The following KLHL29 variants were observed in gnomAD, a reference collection of about 807,000 sequenced individuals.
KLHL29 encodes kelch like family member 29.
A neutral mutation model predicts 80.4 loss-of-function variants in KLHL29; 21 were observed. That is an observed-to-expected ratio of 0.26 (90% CI 0.19 to 0.38). KLHL29 has a LOEUF of 0.38. KLHL29 is among the 10% of genes least tolerant of loss of function. The pLI, the probability that KLHL29 is intolerant of heterozygous loss-of-function variation, is 1.00. For missense variants in KLHL29, 867 were observed against 1,223.9 expected, an observed-to-expected ratio of 0.71 and a Z score of 4.35; for synonymous variants, 511 against 526.8, an observed-to-expected ratio of 0.97 and a Z score of 0.41.
At chr2:23,531,835 G>C (rs1275222248) in intron 2 of KLHL29, among the ~76,000 whole-genome samples, 1 of 152,208 alleles carries the variant, frequency 6.6e-6, no homozygotes, top group Non-Finnish European at 1.5e-5. Context: ...GCTCCCATCT[G>C]TTCCTCATCA....
rs1452521801 is a variant in KLHL29 at position 23,385,224 on chromosome 2, G to T, written c.-710G>T. On this transcript the variant is annotated 5_prime_UTR_variant, in exon 1 of 14. Coordinates refer to ENST00000486442, the MANE Select transcript of KLHL29 (RefSeq NM_052920.2). Reference sequence around the variant, plus strand: ...CGAGCCAGAAGGGAGCATGGTCCCCGCGCCGCGGCCGCGCCAGCCCCCGCG... The same window carrying T: ...CGAGCCAGAAGGGAGCATGGTCCCCTCGCCGCGGCCGCGCCAGCCCCCGCG... 1 of 148,884 alleles carries T rather than the reference G, an allele frequency of 6.7e-6. No homozygotes were observed. Among genetic ancestry groups the T allele is most frequent in the African/African-American group, 2.4e-5 (1 of 40,888 alleles). 9.2% of individuals were successfully genotyped at this position (148,884 alleles called of 1,614,324 possible). A position where few individuals can be genotyped will look rare whatever the true frequency, so the allele number is the denominator to read the frequency against.
intron 2 of KLHL29, among the ~76,000 whole-genome samples, chr2:23,555,069 G>A (rs551228777): frequency 2.2e-4 from 34 of 152,234 alleles, no homozygotes; most frequent in Non-Finnish European, 4.7e-4. Context: ...GCAGGCCCTG[G>A]GGCTAGTGAC....
At chr2:23,628,716 A>G (rs1669387486) in intron 3 of KLHL29, among the ~76,000 whole-genome samples, 1 of 151,272 alleles carries the variant, frequency 6.6e-6, no homozygotes, top group Admixed American at 6.6e-5. Flanking sequence ...CCCATCCACA[A>G]ATGGTTCAGT....
intron 2 of KLHL29, among the ~76,000 whole-genome samples, chr2:23,479,283 G>A (rs546745944): frequency 3.3e-5 from 5 of 151,706 alleles, no homozygotes; most frequent in South Asian, 2.1e-4. Flanking sequence ...AACCTCAGCC[G>A]AACCCTCAGC....
chr2:23,559,438 G>A (rs1288100378), intron 2 of KLHL29, among the ~76,000 whole-genome samples: 1 of 152,084 alleles, frequency 6.6e-6, no homozygotes, highest in Non-Finnish European at 1.5e-5. Flanking sequence ...CTGGGGGCGG[G>A]CAGGCAGGCA....
In KLHL29 at chr2:23,385,262, T is replaced by TC. The variant is rs1666142090; in HGVS notation, c.-668dup. ...GCCAGCCCCCGCGCCGCCGCCGCCG[T>TC]CCCCGCCACCGCGGATCTCGCCGCA... On this transcript the variant is annotated 5_prime_UTR_variant, in exon 1 of 14. The change abolishes the stop of an existing upstream ORF in the 5' untranslated region. Transcript: ENST00000486442. The TC allele has an allele frequency of 7.3e-6, 1 of 136,972 alleles. No individual in the cohort carries two copies. Among genetic ancestry groups the TC allele is most frequent in the Non-Finnish European group, 1.6e-5 (1 of 62,686 alleles). The allele number at this position is 136,972 out of a possible 1,614,324, so 8.5% of individuals were successfully genotyped here.
At chr2:23,529,850 G>A (rs1666439204) in intron 2 of KLHL29, among the ~76,000 whole-genome samples, 1 of 152,204 alleles carries the variant, frequency 6.6e-6, no homozygotes. Context: ...TCTGGTCGCA[G>A]CATGACAAAG....
At chr2:23,442,091 G>A (rs989962053) in intron 1 of KLHL29, among the ~76,000 whole-genome samples, 1 of 151,980 alleles carries the variant, frequency 6.6e-6, no homozygotes, top group Non-Finnish European at 1.5e-5. Context: ...TAATCACCAG[G>A]GTCCTTTATT....
intron 3 of KLHL29, among the ~76,000 whole-genome samples, chr2:23,590,732 C>T (rs1446718533): frequency 6.6e-6 from 1 of 152,188 alleles, no homozygotes; most frequent in African/African-American, 2.4e-5. Flanking sequence ...AACCCAATCC[C>T]CTACATGGCC....
chr2:23,480,349 T>C (rs1350457157), intron 2 of KLHL29, among the ~76,000 whole-genome samples: 3 of 152,142 alleles, frequency 2.0e-5, no homozygotes, highest in African/African-American at 7.2e-5. Context: ...TAGCCGGGCA[T>C]GGTGACACAC....
intron 3 of KLHL29, among the ~76,000 whole-genome samples, chr2:23,601,912 C>T (rs1668581114): frequency 6.6e-6 from 1 of 152,196 alleles, no homozygotes; most frequent in Admixed American, 6.5e-5. Flanking sequence ...TAGTGGAGGG[C>T]TCAGTTAATA....
rs1361696597 is a variant in KLHL29, at chr2:23,700,860, G to A, written c.2106-2326G>A. On this transcript the variant is annotated intron_variant, in intron 11 of 13. Transcript: ENST00000486442. This position sits in a 1 kb window ranked among gnomAD's most constrained non-coding sequence, Gnocchi z 4.6. ...GGGGCACAGCCACTCACTCGCTGTT[G>A]GGACCTTGGCTGCCCTCTGAGGACG... 6.6e-6 allele frequency among the ~76,000 whole-genome samples: 1 copy of A among 152,038 alleles called. No individual in the cohort carries two copies. Among genetic ancestry groups the A allele is most frequent in the East Asian group, 1.9e-4 (1 of 5,178 alleles).
intron 2 of KLHL29, among the ~76,000 whole-genome samples, chr2:23,502,584 C>T (rs1665484760): frequency 6.6e-6 from 1 of 152,268 alleles, no homozygotes; most frequent in African/African-American, 2.4e-5. Flanking sequence ...TGAAATAAAA[C>T]TCCTGCAAAT....
intron 3 of KLHL29, chr2:23,617,904 A>C (rs473796): frequency 0.86 from 130,319 of 152,232 alleles, 56,330 homozygotes; most frequent in East Asian, 1. Flanking sequence ...GCGAGAGGGA[A>C]CCGAGGGTGT....
chr2:23,554,155 C>A (rs572510283), intron 2 of KLHL29, among the ~76,000 whole-genome samples: 1 of 152,214 alleles, frequency 6.6e-6, no homozygotes, highest in African/African-American at 2.4e-5. Context: ...CACGTCAAGT[C>A]GTGGCCAAGC....
chr2:23,490,847 A>G (rs961873260), intron 2 of KLHL29, among the ~76,000 whole-genome samples: 6 of 152,208 alleles, frequency 3.9e-5, no homozygotes, highest in Non-Finnish European at 7.4e-5. Context: ...TGGAGGGTGT[A>G]ACGGGCAGCC....
chr2:23,532,318 C>T (rs549818990), intron 2 of KLHL29, among the ~76,000 whole-genome samples: 32 of 152,350 alleles, frequency 2.1e-4, no homozygotes, highest in African/African-American at 7.2e-4. Context: ...GTAATGGCCT[C>T]CTCCTGCAGT....
chr2:23,465,067 C>G (rs1664309480), intron 1 of KLHL29, among the ~76,000 whole-genome samples: 1 of 152,202 alleles, frequency 6.6e-6, no homozygotes, highest in Admixed American at 6.5e-5. Context: ...ATGGTTGCTG[C>G]ACGGCCGACA....
chr2:23,688,962 AAGG>A (rs1408701267), intron 6 of KLHL29: 7 of 152,338 alleles, frequency 4.6e-5, no homozygotes, highest in African/African-American at 1.7e-4. Context: ...GAAGAGGCCT[AAGG>A]AGCACTGGGG....
Sources: allele counts gnomAD v4.1 joint callset (sites outside exome capture counted in the v4.1 genomes callset), GRCh38; gene constraint gnomAD v4.1.1; non-coding constraint Gnocchi (gnomAD v3.1); transcripts MANE v1.5; gene names NCBI Gene and HGNC (gene_info 2026-07-23, HGNC 2026-07-21).